The following C5orf34 variants were observed in gnomAD, a reference collection of about 807,000 sequenced individuals.
The protein encoded by C5orf34 is uncharacterized protein C5orf34.
Under a neutral mutation model 78.4 loss-of-function variants are expected in C5orf34, and 73 were observed. The observed-to-expected ratio is 0.93, with a 90% confidence interval of 0.77 to 1.13. The LOEUF is 1.13. C5orf34 is among the 50% of genes most tolerant of loss of function. The pLI, the probability that C5orf34 is intolerant of heterozygous loss-of-function variation, is 0.00. For synonymous variants in C5orf34, 251 were observed against 246.6 expected, an observed-to-expected ratio of 1.02 and a Z score of -0.17; for missense variants, 730 against 732.7, an observed-to-expected ratio of 1.00 and a Z score of 0.04.
intron 6 of C5orf34, among the ~76,000 whole-genome samples, chr5:43,501,006 A>T (rs191085479): frequency 6.6e-6 from 1 of 152,332 alleles, no homozygotes; most frequent in East Asian, 1.9e-4. Context: ...TTGCACACAA[A>T]GGTTGGAGAG....
intron 9 of C5orf34, 68 bp from the exon 10 acceptor site, chr5:43,492,377 A>G: frequency 1.1e-6 from 1 of 948,984 alleles, no homozygotes; most frequent in Non-Finnish European, 1.6e-6. Flanking sequence ...AACCTATTCT[A>G]ACTTCATTAA....
intron 11 of C5orf34, 56 bp from the exon 12 acceptor site, chr5:43,488,005 A>G: frequency 5.0e-6 from 7 of 1,390,086 alleles, no homozygotes; most frequent in South Asian, 1.2e-5. Context: ...TGTATTCATG[A>G]TATTTCAAAT....
At chr5:43,501,743 G>A (rs1440349221) in intron 6 of C5orf34, among the ~76,000 whole-genome samples, 2 of 152,140 alleles carry the variant, frequency 1.3e-5, no homozygotes, top group African/African-American at 2.4e-5. Flanking sequence ...ACTCCACTCT[G>A]TAATGAAGAG....
intron 11 of C5orf34, among the ~76,000 whole-genome samples, chr5:43,488,770 T>A (rs890321100): frequency 2.0e-5 from 3 of 152,116 alleles, no homozygotes; most frequent in Admixed American, 2.0e-4. Flanking sequence ...CTTTTTCTTA[T>A]CAAGTTAGAA....
chr5:43,501,931 C>G (rs975410850), intron 6 of C5orf34, among the ~76,000 whole-genome samples: 2 of 152,154 alleles, frequency 1.3e-5, no homozygotes, highest in Non-Finnish European at 2.9e-5. Flanking sequence ...TCACTGTTTT[C>G]AGCAACAGAG....
intron 2 of C5orf34, 55 bp downstream of exon 2, chr5:43,509,090 G>T: frequency 7.0e-7 from 1 of 1,425,828 alleles, no homozygotes; most frequent in Non-Finnish European, 9.7e-7. Flanking sequence ...GGGTGACAGA[G>T]CAAGAACCTG....
intron 6 of C5orf34, chr5:43,496,087 T>G (rs1450931240): frequency 4.5e-5 from 70 of 1,547,036 alleles, no homozygotes; most frequent in Non-Finnish European, 6.2e-5. Flanking sequence ...AGATACCAGT[T>G]TCAAATTCGC....
intron 6 of C5orf34, chr5:43,496,288 T>A (rs1312033243): frequency 1.9e-6 from 3 of 1,585,322 alleles, no homozygotes; most frequent in Admixed American, 1.7e-5. Flanking sequence ...GACCCAGGCA[T>A]ACTTGAAGGA....
At chr5:43,490,604 A>G (rs1461500143) in intron 11 of C5orf34, 27 bp downstream of exon 11, 1 of 1,414,046 alleles carries the variant, frequency 7.1e-7, no homozygotes, top group East Asian at 2.3e-5. Flanking sequence ...GCTCTTCTAA[A>G]CAGATTTAAG....
At chr5:43,491,355 A>G (rs1745271538) in intron 10 of C5orf34, among the ~76,000 whole-genome samples, 1 of 152,182 alleles carries the variant, frequency 6.6e-6, no homozygotes, top group South Asian at 2.1e-4. Context: ...CCAACAGAAA[A>G]ATACATTCAA....
At chr5:43,499,726 G>T (rs546615680) in intron 6 of C5orf34, among the ~76,000 whole-genome samples, 1 of 152,006 alleles carries the variant, frequency 6.6e-6, no homozygotes, top group African/African-American at 2.4e-5. Context: ...GTGTTCTAAC[G>T]CAAGTTTCTT....
At chr5:43,498,316 A>G (rs1043455687) in intron 6 of C5orf34, among the ~76,000 whole-genome samples, 1 of 152,086 alleles carries the variant, frequency 6.6e-6, no homozygotes, top group Admixed American at 6.5e-5. Context: ...ACCCTATTTC[A>G]TCAACTCTAA....
At chr5:43,511,287 G>C (rs1746239607) in intron 1 of C5orf34, 1 of 169,334 alleles carries the variant, frequency 5.9e-6, no homozygotes, top group African/African-American at 2.4e-5. Flanking sequence ...CCGCCCGGCA[G>C]CTGCCCTGTC....
intron 6 of C5orf34, chr5:43,496,582 ATTTT>A (rs70994702): frequency 2.9e-3 from 1,226 of 427,562 alleles, no homozygotes; most frequent in Middle Eastern, 7.7e-3. Context: ...GTTTTTTTTA[ATTTT>A]TTTTTTTTTT....
In C5orf34 at chr5:43,487,928, T is replaced by C; in HGVS notation, c.1701A>G (p.Glu567=). ...QENWSVASEL[E]KIQKFNLLLE... The stretch of plus-strand genomic sequence containing the variant: ...GGATACAGTTAAACTTCTGTATCTT[T>C]TCAAGTTCAGAAGCAACAGACCTGT... Residue 567 remains glutamate (E), a synonymous_variant, in exon 12 of 13, where the codon GAA becomes GAG. Transcript: ENST00000306862. 1 of 1,605,652 alleles carries C rather than the reference T, an allele frequency of 6.2e-7. No individual in the cohort carries two copies. Among genetic ancestry groups the C allele is most frequent in the Non-Finnish European group, 8.5e-7 (1 of 1,174,546 alleles).
At chr5:43,494,936 C>T in intron 6 of C5orf34, 1 of 741,114 alleles carries the variant, frequency 1.3e-6, no homozygotes, top group Non-Finnish European at 2.2e-6. Flanking sequence ...TCCTTTCCTT[C>T]TGAAGGTTTT....
intron 10 of C5orf34, 70 bp from the exon 11 acceptor site, chr5:43,490,799 G>A: frequency 2.7e-6 from 2 of 735,732 alleles, no homozygotes; most frequent in Admixed American, 2.6e-5. Flanking sequence ...ATAAACAAAT[G>A]TAAAAATAAG....
intron 1 of C5orf34, among the ~76,000 whole-genome samples, chr5:43,509,856 AGTGATTCTTCT>A (rs1424508908): frequency 6.6e-6 from 1 of 151,778 alleles, no homozygotes; most frequent in East Asian, 1.9e-4. Context: ...CTCAGGTTCA[AGTGATTCTTCT>A]GCCTTAGCCT....
At chr5:43,490,567 G>A in intron 11 of C5orf34, 64 bp downstream of exon 11, 1 of 1,061,244 alleles carries the variant, frequency 9.4e-7, no homozygotes, top group Non-Finnish European at 1.4e-6. Context: ...TTTACCATTT[G>A]ACATTTTAAT....
Sources: allele counts gnomAD v4.1 joint callset (sites outside exome capture counted in the v4.1 genomes callset), GRCh38; gene constraint gnomAD v4.1.1; transcripts MANE v1.5; gene names NCBI Gene and HGNC (gene_info 2026-07-23, HGNC 2026-07-21).